Variants in ZC3H12B observed in about 807,000 individuals in gnomAD.
ZC3H12B encodes zinc finger CCCH-type containing 12B, also known as probable ribonuclease ZC3H12B.
A neutral mutation model predicts 43.9 loss-of-function variants in ZC3H12B; 7 were observed. That is an observed-to-expected ratio of 0.16 (90% CI 0.09 to 0.30). The LOEUF (loss-of-function observed/expected upper bound fraction) is 0.30, where lower values mean the gene tolerates loss of function less well. Ranked by LOEUF, ZC3H12B falls within the 10% of genes least tolerant of loss-of-function variation. The pLI is 1.00. For synonymous variants in ZC3H12B, 222 were observed against 241.7 expected, an observed-to-expected ratio of 0.92 and a Z score of 0.76; for missense variants, 475 against 670.2, an observed-to-expected ratio of 0.71 and a Z score of 3.22.
the ZC3H12B span, among the ~76,000 whole-genome samples, chrX:65,122,988 T>C: frequency 8.9e-6 from 1 of 111,863 alleles, no homozygotes; most frequent in African/African-American, 3.2e-5. Flanking sequence ...AGACAGAAAG[T>C]TAACAAGTCT....
chrX:65,286,907 A>G, the ZC3H12B span, among the ~76,000 whole-genome samples: 1 of 111,174 alleles, frequency 9.0e-6, no homozygotes, highest in East Asian at 2.8e-4. Context: ...ATCAGGAAAA[A>G]CAAATTTTAA....
chrX:65,242,546 T>C, the ZC3H12B span, among the ~76,000 whole-genome samples: 2 of 112,361 alleles, frequency 1.8e-5, no homozygotes, highest in Non-Finnish European at 3.8e-5. Context: ...GTTGTTAATA[T>C]GTCCATACCA....
the ZC3H12B span, among the ~76,000 whole-genome samples, chrX:65,035,614 G>A: frequency 9.0e-6 from 1 of 110,984 alleles, no homozygotes; most frequent in South Asian, 3.8e-4. Flanking sequence ...CTCTGGCTCT[G>A]GCTCTCGCTC....
chrX:65,399,498 TTAAAA>T (rs2066739217), intron 3 of ZC3H12B, among the ~76,000 whole-genome samples: 1 of 111,745 alleles, frequency 8.9e-6, no homozygotes, highest in African/African-American at 3.2e-5. Flanking sequence ...CTCACCTCAA[TTAAAA>T]TGACTTTTAT....
the ZC3H12B span, among the ~76,000 whole-genome samples, chrX:65,216,511 C>T: frequency 1.8e-5 from 2 of 111,431 alleles, no homozygotes; most frequent in Non-Finnish European, 3.8e-5. Flanking sequence ...TGTCCTGGGG[C>T]TCTAAATAAG....
At chrX:65,467,229 C>A (rs1026243349) in intron 3 of ZC3H12B, among the ~76,000 whole-genome samples, 3 of 108,609 alleles carry the variant, frequency 2.8e-5, no homozygotes, top group Non-Finnish European at 5.7e-5. Flanking sequence ...AGTTACTTTT[C>A]TTAGAATAAT....
At chrX:65,269,007 A>G in the ZC3H12B span, among the ~76,000 whole-genome samples, 11 of 112,377 alleles carry the variant, frequency 9.8e-5, no homozygotes. Flanking sequence ...TAGAATTAAT[A>G]AATAAATTCG....
chrX:65,265,043 G>A, the ZC3H12B span, among the ~76,000 whole-genome samples: 2 of 111,670 alleles, frequency 1.8e-5, no homozygotes, highest in Admixed American at 1.9e-4. Context: ...TCCTCTCTGC[G>A]ATTAAGACAG....
At chrX:65,151,420 C>A in the ZC3H12B span, among the ~76,000 whole-genome samples, 4 of 111,889 alleles carry the variant, frequency 3.6e-5, no homozygotes, top group Non-Finnish European at 7.5e-5. Context: ...AGGATATGTT[C>A]ATCCTCTCAA....
intron 3 of ZC3H12B, among the ~76,000 whole-genome samples, chrX:65,399,433 C>T (rs1158015512): frequency 9.0e-6 from 1 of 111,681 alleles, no homozygotes; most frequent in Non-Finnish European, 1.9e-5. Flanking sequence ...TGAAAAGGTG[C>T]TCAATATCAT....
At chrX:65,354,053 C>T in the ZC3H12B span, among the ~76,000 whole-genome samples, 2 of 111,768 alleles carry the variant, frequency 1.8e-5, no homozygotes, top group South Asian at 3.7e-4. Context: ...CAAACTTAAA[C>T]GTTCCTACCT....
intron 3 of ZC3H12B, among the ~76,000 whole-genome samples, chrX:65,431,501 C>A (rs1279326286): frequency 8.9e-6 from 1 of 112,475 alleles, no homozygotes; most frequent in Non-Finnish European, 1.9e-5. Context: ...ATCCTTTTCA[C>A]CAACACCAAC....
At chrX:65,307,004 A>T in the ZC3H12B span, among the ~76,000 whole-genome samples, 1 of 112,678 alleles carries the variant, frequency 8.9e-6, no homozygotes. Flanking sequence ...ATAAGTGGGT[A>T]TGGTGAGAGG....
chrX:65,160,089 A>C, the ZC3H12B span, among the ~76,000 whole-genome samples: 253 of 112,148 alleles, frequency 2.3e-3, 1 homozygote, highest in African/African-American at 7.9e-3. Flanking sequence ...ATATTGAACC[A>C]GCCTTGCATC....
chrX:65,068,636 TA>T, the ZC3H12B span, among the ~76,000 whole-genome samples: 3 of 112,006 alleles, frequency 2.7e-5, no homozygotes, highest in Non-Finnish European at 5.6e-5. Flanking sequence ...TCTTTCTACT[TA>T]ATATAAGAGT....
chrX:65,167,191 C>T, the ZC3H12B span, among the ~76,000 whole-genome samples: 7 of 111,764 alleles, frequency 6.3e-5, no homozygotes, highest in Non-Finnish European at 1.1e-4. Context: ...ACATTTAAGT[C>T]TTTAATCCAT....
At chrX:65,145,738 A>G in the ZC3H12B span, among the ~76,000 whole-genome samples, 1 of 111,551 alleles carries the variant, frequency 9.0e-6, no homozygotes, top group African/African-American at 3.3e-5. Flanking sequence ...TCCTTCATTT[A>G]TGAAGCTTAG....
chrX:65,202,401 C>T, the ZC3H12B span, among the ~76,000 whole-genome samples: 1 of 107,577 alleles, frequency 9.3e-6, no homozygotes. Flanking sequence ...AATTCAAAGG[C>T]ACTTGGTTGT....
At chrX:65,120,668 A>G in the ZC3H12B span, among the ~76,000 whole-genome samples, 1 of 111,360 alleles carries the variant, frequency 9.0e-6, no homozygotes, top group Non-Finnish European at 1.9e-5. Context: ...TGTCCTGGCC[A>G]GAACTTCCAA....
Sources: allele counts gnomAD v4.1 joint callset (sites outside exome capture counted in the v4.1 genomes callset), GRCh38; gene constraint gnomAD v4.1.1; transcripts MANE v1.5; gene names NCBI Gene and HGNC (gene_info 2026-07-23, HGNC 2026-07-21).